PBDC1: variants seen among roughly 807,000 people sequenced by gnomAD.
PBDC1 encodes polysaccharide biosynthesis domain containing 1, also known as protein PBDC1.
Under a neutral mutation model 12.0 loss-of-function variants are expected in PBDC1, and 3 were observed. The observed-to-expected ratio is 0.25, with a 90% CI of 0.11 to 0.64. PBDC1 has a LOEUF of 0.64. Ranked by LOEUF, PBDC1 falls within the 30% of genes least tolerant of loss-of-function variation. The pLI is 0.84. For synonymous variants in PBDC1, 64 were observed against 56.4 expected, an observed-to-expected ratio of 1.13 and a Z score of -0.60; for missense variants, 162 against 168.1, an observed-to-expected ratio of 0.96 and a Z score of 0.20.
At position 76,173,658 on chromosome X, in the gene PBDC1, T is replaced by C. The variant is rs782389065; in HGVS notation, c.96+8T>C. 71 of 1,149,579 alleles carry C rather than the reference T, an allele frequency of 6.2e-5. No individual in the cohort carries two copies. The highest frequency in any genetic ancestry group is 7.8e-5 in the Non-Finnish European group (67 of 859,129). The allele number at this position is 1,149,579 out of a possible 1,213,427, so 94.7% of individuals were successfully genotyped here. A position where few individuals can be genotyped will look rare whatever the true frequency, so the allele number is the denominator to read the frequency against. On this transcript the variant is annotated splice_region_variant and intron_variant, in intron 2 of 5. Coordinates refer to ENST00000373358, the MANE Select transcript of PBDC1 (RefSeq NM_016500.5). Reference sequence around the variant, plus strand: ...GAGTCGTATGGCAACGATGTGAGTATGACTCACCCACAGCTCCCACCCACT... The same window carrying C: ...GAGTCGTATGGCAACGATGTGAGTACGACTCACCCACAGCTCCCACCCACT...
At chrX:76,174,299 C>G (rs782526308) in intron 2 of PBDC1, among the ~76,000 whole-genome samples, 11 of 111,178 alleles carry the variant, frequency 9.9e-5, no homozygotes, top group Non-Finnish European at 1.7e-4. Flanking sequence ...GTAACAAATG[C>G]AAATGGCTTT....
intron 3 of PBDC1, 37 bp downstream of exon 3, chrX:76,174,986 CAT>C (rs1924754026): frequency 2.0e-6 from 2 of 1,000,094 alleles, no homozygotes; most frequent in South Asian, 3.8e-5. Flanking sequence ...CAGAATTAAA[CAT>C]GTAATTATAG....
intron 5 of PBDC1, among the ~76,000 whole-genome samples, chrX:76,177,288 C>T (rs1556797049): frequency 9.0e-6 from 1 of 111,157 alleles, no homozygotes; most frequent in Non-Finnish European, 1.9e-5. Context: ...TGTCTCATGC[C>T]TTGTAATACC....
At chrX:76,174,751 C>T (rs1300169965) in intron 2 of PBDC1, 139 bp from the exon 3 acceptor site, 5 of 493,882 alleles carry the variant, frequency 1.0e-5, no homozygotes, top group African/African-American at 2.4e-5. Flanking sequence ...ATTTATTACT[C>T]CAGTTTTTAT....
intron 4 of PBDC1, 95 bp downstream of exon 4, chrX:76,175,708 A>C (rs1924773113): frequency 4.9e-6 from 3 of 618,407 alleles, no homozygotes; most frequent in Non-Finnish European, 7.1e-6. Context: ...TTTGTTTGAG[A>C]AAAATATGTA....
chrX:76,173,153 T>G lies in PBDC1; in HGVS notation c.15T>G (p.Ser5Arg), dbSNP rs1556796575. The change falls in exon 1 of 6, where the codon AGT becomes AGG. Residue 5 changes from serine (S) to arginine (R), a missense_variant. Physicochemically the swap from Ser to Arg is moderately radical, Grantham distance 110. Coordinates refer to ENST00000373358, the MANE Select transcript of PBDC1 (RefSeq NM_016500.5). MAAT[S>R]GTDEPVSGEL... Reference sequence around the variant, plus strand: ...GGGGTTGCAAGATGGCGGCCACCAGTGGAACTGATGAGCCGGTGAGACGCT... The same window carrying G: ...GGGGTTGCAAGATGGCGGCCACCAGGGGAACTGATGAGCCGGTGAGACGCT... 1.7e-6 allele frequency: 2 copies of G among 1,175,933 alleles called. No individual in the cohort carries two copies. The highest frequency in any genetic ancestry group is 3.6e-5 in the African/African-American group (2 of 55,939).
At chrX:76,175,057 C>T (rs985840913) in intron 3 of PBDC1, 108 bp downstream of exon 3, 18 of 653,249 alleles carry the variant, frequency 2.8e-5, no homozygotes, top group Admixed American at 1.1e-4. Context: ...TTTTGGAGAT[C>T]GTTTTTATTA....
intron 5 of PBDC1, 96 bp downstream of exon 5, chrX:76,177,088 T>C: frequency 2.0e-6 from 1 of 490,916 alleles, no homozygotes. Flanking sequence ...GGTCACCTTA[T>C]CTTGTTTCAT....
chrX:76,175,156 T>C (rs1924759430), intron 3 of PBDC1, among the ~76,000 whole-genome samples: 1 of 112,864 alleles, frequency 8.9e-6, no homozygotes, highest in Non-Finnish European at 1.9e-5. Flanking sequence ...GTTATAATGC[T>C]AACTGACAAA....
At chrX:76,173,730 A>C in intron 2 of PBDC1, 80 bp downstream of exon 2, 1 of 610,242 alleles carries the variant, frequency 1.6e-6, no homozygotes, top group Non-Finnish European at 2.4e-6. Context: ...CTAAGTTATA[A>C]CTTCACGTCC....
At chrX:76,173,489 C>G (rs782383326) in intron 1 of PBDC1, 96 bp from the exon 2 acceptor site, 1 of 633,166 alleles carries the variant, frequency 1.6e-6, no homozygotes, top group African/African-American at 2.3e-5. Context: ...TCCCAAAGTG[C>G]TGGGATTACA....
intron 4 of PBDC1, 104 bp downstream of exon 4, chrX:76,175,717 T>G (rs949109875): frequency 1.7e-6 from 1 of 583,146 alleles, no homozygotes. Flanking sequence ...GAAAAATATG[T>G]AAAGAACCAG....
Position 76,177,598 on chromosome X carries a change from A to C in PBDC1, c.410-18A>C. On this transcript the variant is annotated intron_variant, in intron 5 of 5. Coordinates refer to ENST00000373358, the MANE Select transcript of PBDC1 (RefSeq NM_016500.5). ...TAAGCTGAGAGTAGGATGATAATCA[A>C]TTCTGTTCACTTTTCAGCCCCCAGG... 1 of 1,158,662 alleles carries C rather than the reference A, an allele frequency of 8.6e-7. No homozygotes were observed. The highest frequency in any genetic ancestry group is 3.0e-5 in the East Asian group (1 of 33,627).
chrX:76,175,371 C>A, intron 3 of PBDC1, 102 bp from the exon 4 acceptor site: 2 of 769,157 alleles, frequency 2.6e-6, no homozygotes, highest in South Asian at 2.3e-5. Flanking sequence ...CTGAAGAGAT[C>A]TTCTGCCCTG....
intron 5 of PBDC1, 84 bp downstream of exon 5, chrX:76,177,076 T>C (rs1569277617): frequency 3.6e-6 from 2 of 556,551 alleles, no homozygotes; most frequent in African/African-American, 4.6e-5. Context: ...TGTGTATAGT[T>C]AGGTCACCTT....
chrX:76,177,509 C>A, intron 5 of PBDC1, 107 bp from the exon 6 acceptor site: 1 of 691,042 alleles, frequency 1.4e-6, no homozygotes. Flanking sequence ...TGTGATTGTG[C>A]CACTGCAGTC....
rs1468853352 is a variant in PBDC1, at chrX:76,178,296, TC to T, written c.*390del. On this transcript the variant is annotated 3_prime_UTR_variant, in exon 6 of 6. Coordinates refer to ENST00000373358, the MANE Select transcript of PBDC1 (RefSeq NM_016500.5). ...CCATGTCTTATATAAGATAATTTAC[TC>T]CTGTTTCTTACTGCTTCTCACTGTT... The T allele has an allele frequency of 4.8e-6, 1 of 209,345 alleles. No homozygotes were observed. The highest frequency in any genetic ancestry group is 8.7e-6 in the Non-Finnish European group (1 of 114,883). The allele number at this position is 209,345 out of a possible 1,213,427, so 17.3% of individuals were successfully genotyped here.
At position 76,173,623 on chromosome X, in the gene PBDC1, T is replaced by C. The variant is rs1556796658; in HGVS notation, c.69T>C (p.Ser23=). 1 of 1,195,724 alleles carries C rather than the reference T, an allele frequency of 8.4e-7. No homozygotes were observed. Among genetic ancestry groups the C allele is most frequent in the Non-Finnish European group, 1.1e-6 (1 of 887,481 alleles). ...TGGTGTCTGTGGCACATGCGCTTTC[T>C]CTCCCAGCAGAGTCGTATGGCAACG... The part of the protein sequence containing the change: ...GELVSVAHAL[S]LPAESYGNDP... The change falls in exon 2 of 6, where the codon TCT becomes TCC. Residue 23 remains serine (S), a synonymous_variant. Coordinates refer to ENST00000373358, the MANE Select transcript of PBDC1 (RefSeq NM_016500.5).
At chrX:76,175,875 A>T (rs1924776809) in intron 4 of PBDC1, among the ~76,000 whole-genome samples, 1 of 110,908 alleles carries the variant, frequency 9.0e-6, no homozygotes, top group Admixed American at 9.6e-5. Flanking sequence ...AGGAGGATGG[A>T]TCAGTTTATT....
Sources: allele counts gnomAD v4.1 joint callset (sites outside exome capture counted in the v4.1 genomes callset), GRCh38; gene constraint gnomAD v4.1.1; transcripts MANE v1.5; gene names NCBI Gene and HGNC (gene_info 2026-07-23, HGNC 2026-07-21).